The following GOT1 variants were observed in gnomAD, a reference collection of about 807,000 sequenced individuals.
GOT1 encodes aspartate aminotransferase, cytoplasmic.
GOT1 carries 25 observed loss-of-function variants against 48.2 expected under a neutral mutation model. The ratio of observed to expected loss-of-function variants is 0.52; its 90% CI spans 0.38 to 0.72. The LOEUF (loss-of-function observed/expected upper bound fraction) is 0.72, where lower values mean the gene tolerates loss of function less well. Among genes scored for constraint, GOT1 ranks in the 30% least tolerant of loss-of-function variants. The probability of loss-of-function intolerance (pLI) is 0.00; values close to 1 mark genes in which losing one functional copy is unlikely to be tolerated. For synonymous variants in GOT1, 188 were observed against 193.8 expected (o/e 0.97, Z 0.25); for missense variants, 380 against 520.1 (o/e 0.73, Z 2.62).
At chr10:99,410,689 G>A (rs2032817522) in intron 2 of GOT1, among the ~76,000 whole-genome samples, 1 of 152,186 alleles carries the variant, frequency 6.6e-6, no homozygotes, top group Admixed American at 6.5e-5. Context: ...ACAGAAACAA[G>A]TTTTTGGTGA....
intron 1 of GOT1, among the ~76,000 whole-genome samples, chr10:99,426,108 T>C (rs1388048682): frequency 1.3e-5 from 2 of 152,138 alleles, no homozygotes; most frequent in African/African-American, 4.8e-5. Context: ...TGTCATACTA[T>C]TAAGTTCATG....
At chr10:99,414,316 A>G (rs1232183041) in intron 2 of GOT1, among the ~76,000 whole-genome samples, 1 of 152,206 alleles carries the variant, frequency 6.6e-6, no homozygotes, top group Non-Finnish European at 1.5e-5. Flanking sequence ...CAGACTTTAA[A>G]CCAACAAAGA....
At chr10:99,403,949 G>A (rs1196527268) in intron 5 of GOT1, 75 bp from the exon 6 acceptor site, 1 of 1,410,594 alleles carries the variant, frequency 7.1e-7, no homozygotes, top group Middle Eastern at 2.5e-4. Flanking sequence ...TCCTTCCCCA[G>A]CTGATGCCTG....
intron 5 of GOT1, 28 bp from the exon 6 acceptor site, chr10:99,403,902 A>G (rs969191496): frequency 2.2e-5 from 35 of 1,611,894 alleles, no homozygotes; most frequent in Non-Finnish European, 2.9e-5. Context: ...GAGTCAGGGC[A>G]GGAAATCCTT....
intron 2 of GOT1, 83 bp downstream of exon 2, chr10:99,420,541 C>G (rs1198316365): frequency 9.4e-7 from 1 of 1,066,146 alleles, no homozygotes; most frequent in East Asian, 2.4e-5. Context: ...GACATAACGC[C>G]TAATATTTTA....
intron 2 of GOT1, 66 bp from the exon 3 acceptor site, chr10:99,406,915 G>A: frequency 6.6e-7 from 1 of 1,510,482 alleles, no homozygotes; most frequent in Non-Finnish European, 9.2e-7. Context: ...ACAAAAATAA[G>A]GTAATAATGA....
chr10:99,405,186 A>T (rs1232031052), intron 5 of GOT1, among the ~76,000 whole-genome samples: 1 of 152,214 alleles, frequency 6.6e-6, no homozygotes, highest in African/African-American at 2.4e-5. Flanking sequence ...TTCCTTAATA[A>T]GTATTCTACA....
intron 1 of GOT1, among the ~76,000 whole-genome samples, chr10:99,428,719 C>T (rs541003989): frequency 6.6e-6 from 1 of 152,286 alleles, no homozygotes; most frequent in Admixed American, 6.5e-5. Context: ...TTGTATACAT[C>T]CCGCTGCAAA....
At chr10:99,399,968 A>C (rs181058363) in intron 8 of GOT1, among the ~76,000 whole-genome samples, 3 of 152,142 alleles carry the variant, frequency 2.0e-5, no homozygotes, top group African/African-American at 7.2e-5. Flanking sequence ...TCAAGCCAAC[A>C]CAGCCCTGGG....
intron 8 of GOT1, among the ~76,000 whole-genome samples, chr10:99,398,444 T>G (rs1416174437): frequency 6.6e-6 from 1 of 152,084 alleles, no homozygotes; most frequent in African/African-American, 2.4e-5. Context: ...CTGAGGCTGG[T>G]GGATTACCTG....
chr10:99,412,790 A>G (rs1320851892), intron 2 of GOT1, among the ~76,000 whole-genome samples: 1 of 152,146 alleles, frequency 6.6e-6, no homozygotes, highest in Non-Finnish European at 1.5e-5. Context: ...CTGTTCACCA[A>G]TATTCCCCGT....
Position 99,417,816 on chromosome 10 carries a change from G to A in GOT1, c.300+2808C>T, listed in dbSNP as rs575392858. On this transcript the variant is annotated intron_variant, in intron 2 of 8. Coordinates refer to ENST00000370508, the MANE Select transcript of GOT1 (RefSeq NM_002079.3). ...CTATCGCAAGGACAAAAAACCAAAT[G>A]CTGCATGTTCTCACTCATAGGTGGG... Among the ~76,000 whole-genome samples, 783 of 152,092 alleles carry A rather than the reference G, an allele frequency of 5.1e-3. 5 individuals are homozygous for A. The highest frequency in any genetic ancestry group is 0.018 in the African/African-American group (739 of 41,472).
At position 99,406,215 on chromosome 10, in the gene GOT1, A is replaced by G. The variant is rs752190070; in HGVS notation, c.459T>C (p.Phe153=). 1 of 1,613,926 alleles carries G rather than the reference A, an allele frequency of 6.2e-7. No individual in the cohort carries two copies. Among genetic ancestry groups the G allele is most frequent in the South Asian group, 1.1e-5 (1 of 91,062 alleles). ...NHNAVFSAAG[F]KDIRSYRYWD... Reference sequence around the variant, plus strand: ...AGTAGCGATAGGACCGAATGTCTTTAAAACCAGCAGCGGAAAACACAGCAT... The same window carrying G: ...AGTAGCGATAGGACCGAATGTCTTTGAAACCAGCAGCGGAAAACACAGCAT... The change falls in exon 4 of 9, where the codon TTT becomes TTC. Residue 153 remains phenylalanine, a synonymous_variant. Transcript: ENST00000370508.
At chr10:99,430,390 T>TGGGTTGGGTCCGCTCCACTCCCC in intron 1 of GOT1, 58 bp downstream of exon 1, 3 of 1,606,008 alleles carry the variant, frequency 1.9e-6, no homozygotes, top group Non-Finnish European at 2.6e-6. Flanking sequence ...CTCCACGACC[T>TGGGTTGGGTCCGCTCCACTCCCC]GGGTTGGGTC....
chr10:99,430,411 C>G (rs756261660), intron 1 of GOT1, 37 bp downstream of exon 1: 13 of 1,601,476 alleles, frequency 8.1e-6, no homozygotes, highest in Non-Finnish European at 6.8e-6. Context: ...CGCTCCACTC[C>G]CCGAGCTGCT....
intron 2 of GOT1, among the ~76,000 whole-genome samples, chr10:99,414,311 T>G (rs1041390363): frequency 6.6e-6 from 1 of 152,080 alleles, no homozygotes; most frequent in African/African-American, 2.4e-5. Context: ...TAAAACAGAC[T>G]TTAAACCAAC....
chr10:99,402,817 G>T, intron 7 of GOT1, 95 bp from the exon 8 acceptor site: 1 of 1,027,006 alleles, frequency 9.7e-7, no homozygotes, highest in Non-Finnish European at 1.5e-6. Context: ...AACGACAGCT[G>T]ACAATGGGAT....
At chr10:99,418,061 A>AATAT (rs1554947820) in intron 2 of GOT1, among the ~76,000 whole-genome samples, 5 of 149,088 alleles carry the variant, frequency 3.4e-5, no homozygotes, top group African/African-American at 1.2e-4. Flanking sequence ...TAAAAAAAAA[A>AATAT]ATATATATAT....
intron 2 of GOT1, among the ~76,000 whole-genome samples, chr10:99,415,495 C>A (rs1409885850): frequency 5.3e-5 from 8 of 152,142 alleles, no homozygotes; most frequent in Non-Finnish European, 1.0e-4. Flanking sequence ...GGATTCACAG[C>A]CGAATTCTAC....
Sources: allele counts gnomAD v4.1 joint callset (sites outside exome capture counted in the v4.1 genomes callset), GRCh38; gene constraint gnomAD v4.1.1; transcripts MANE v1.5; gene names NCBI Gene and HGNC (gene_info 2026-07-23, HGNC 2026-07-21).